LYAR: variants seen among roughly 807,000 people sequenced by gnomAD.
LYAR encodes cell growth-regulating nucleolar protein.
In LYAR, 37 loss-of-function variants were observed where a neutral mutation model predicts 45.2. That is an observed-to-expected ratio of 0.82 (90% confidence interval 0.63 to 1.08). The LOEUF is 1.08. LYAR is among the 50% of genes least tolerant of loss of function. The pLI is 0.00. For missense variants in LYAR, 493 were observed against 451.0 expected (o/e 1.09, Z -0.84); for synonymous variants, 176 against 155.1 (o/e 1.14, Z -1.00).
chr4:4,268,094 C>A (rs1718786418), intron 9 of LYAR, 71 bp from the exon 10 acceptor site: 3 of 1,331,372 alleles, frequency 2.3e-6, no homozygotes, highest in Non-Finnish European at 3.0e-6. Flanking sequence ...TGTCTTTAAC[C>A]CAGAAATAGA....
intron 2 of LYAR, among the ~76,000 whole-genome samples, chr4:4,285,907 TACTC>T (rs965583647): frequency 6.6e-6 from 1 of 152,252 alleles, no homozygotes; most frequent in African/African-American, 2.4e-5. Flanking sequence ...GACAAAAAGA[TACTC>T]AAGAGTAACT....
At position 4,274,909 on chromosome 4, in the gene LYAR, C is replaced by G. The variant is rs1259170003; in HGVS notation, c.430-140G>C. The G allele has an allele frequency of 4.1e-6, 3 of 734,446 alleles. No homozygotes were observed. The Admixed American group carries it at 9.4e-5, about 23-fold the overall frequency. The allele number at this position is 734,446 out of a possible 1,614,324, so 45.5% of individuals were successfully genotyped here. Reference sequence around the variant, plus strand: ...TCCCTTATCGTTTTATAACTGTGACCCCCACCAACAGCTAAAATGTAGCAG... The same window carrying G: ...TCCCTTATCGTTTTATAACTGTGACGCCCACCAACAGCTAAAATGTAGCAG... On this transcript the variant is annotated intron_variant, in intron 6 of 9. Coordinates refer to ENST00000343470, the MANE Select transcript of LYAR (RefSeq NM_017816.3).
intron 8 of LYAR, among the ~76,000 whole-genome samples, chr4:4,270,844 TAC>T (rs1560230209): frequency 6.6e-6 from 1 of 152,218 alleles, no homozygotes; most frequent in African/African-American, 2.4e-5. Flanking sequence ...ATAAAATGTG[TAC>T]AGAGACTCCT....
chr4:4,286,386 T>A (rs1204522368), intron 2 of LYAR, 133 bp downstream of exon 2: 1 of 152,184 alleles, frequency 6.6e-6, no homozygotes, highest in Admixed American at 6.5e-5. Flanking sequence ...GTGTCCCAGG[T>A]CTTAGTGCAG....
Position 4,273,616 on chromosome 4 carries a change from C to T in LYAR, c.886G>A (p.Gly296Arg), listed in dbSNP as rs773439266. 3.4e-5 allele frequency: 55 copies of T among 1,613,502 alleles called. No individual in the cohort carries two copies. Among genetic ancestry groups the T allele is most frequent in the African/African-American group, 6.7e-5 (5 of 74,894 alleles). Residue 296 changes from glycine (G) to arginine (R), a missense_variant, in exon 8 of 10, where the codon GGA becomes AGA. Physicochemically the swap from Gly to Arg is moderately radical, Grantham distance 125. Transcript: ENST00000343470. ...KMKLPEHPEG[G>R]EPEDDEAPAK... ...GGAGCCTCATCGTCTTCTGGTTCTC[C>T]GCCCTCAGGATGCTCTGGGAGCTTC...
chr4:4,268,556 T>C lies in LYAR; in HGVS notation c.979A>G (p.Ile327Val). 6.2e-7 allele frequency: 1 copy of C among 1,612,696 alleles called. No homozygotes were observed. The part of the protein sequence containing the change: ...AILKQAPDNE[I>V]TIKKLRKKVL... ...TTTTTCCTTAGCTTTTTGATGGTTATTTCATTGTCTGGGGCCTGTTTCAGA... is the reference window on the plus strand; with the variant it reads ...TTTTTCCTTAGCTTTTTGATGGTTACTTCATTGTCTGGGGCCTGTTTCAGA... Residue 327 changes from isoleucine to valine, a missense_variant, in exon 9 of 10, where the codon ATA (isoleucine) becomes GTA (valine). Coordinates refer to ENST00000343470, the MANE Select transcript of LYAR (RefSeq NM_017816.3).
At chr4:4,273,805 T>C (rs1389769488) in intron 7 of LYAR, 136 bp from the exon 8 acceptor site, 1 of 594,990 alleles carries the variant, frequency 1.7e-6, no homozygotes, top group Non-Finnish European at 3.0e-6. Flanking sequence ...AGCCCCGGTT[T>C]ATAAAACCCC....
chr4:4,287,640 G>A (rs1302392729), intron 1 of LYAR, among the ~76,000 whole-genome samples: 1 of 152,118 alleles, frequency 6.6e-6, no homozygotes, highest in African/African-American at 2.4e-5. Flanking sequence ...TGAACTGCCC[G>A]AAGTCACAGT....
Position 4,279,722 on chromosome 4 carries a change from T to C in LYAR, c.265A>G (p.Asn89Asp). The part of the protein sequence containing the change: ...QKISELIKRP[N>D]VSPKVRELLE... ...AGTTCTCTCACTTTGGGGCTGACAT[T>C]GGGTCTCTTTATTAATTCACTAATT... Residue 89 changes from asparagine to aspartate, a missense_variant, in exon 5 of 10, where the codon AAT becomes GAT. Coordinates refer to ENST00000343470, the MANE Select transcript of LYAR (RefSeq NM_017816.3). 6.2e-7 allele frequency: 1 copy of C among 1,611,622 alleles called. No homozygotes were observed. Among genetic ancestry groups the C allele is most frequent in the Admixed American group, 1.7e-5 (1 of 59,648 alleles).
At position 4,279,703 on chromosome 4, in the gene LYAR, C is replaced by T. The variant is rs1248330847; in HGVS notation, c.284G>A (p.Arg95Lys). The T allele has an allele frequency of 1.9e-6, 3 of 1,614,010 alleles. No individual in the cohort carries two copies. Among genetic ancestry groups the T allele is most frequent in the Admixed American group, 1.7e-5 (1 of 59,974 alleles). Residue 95 changes from arginine (R) to lysine (K), a missense_variant, in exon 5 of 10, where the codon AGA becomes AAA. Transcript: ENST00000343470. ...IKRPNVSPKV[R>K]ELLEQISAFD... is the part of the protein sequence containing the mutation. ...AGCACTAATTTGCTCTAAAAGTTCT[C>T]TCACTTTGGGGCTGACATTGGGTCT...
Position 4,268,616 on chromosome 4 carries a change from C to G in LYAR, c.920-1G>C. The G allele has an allele frequency of 6.4e-7, 1 of 1,561,286 alleles. No homozygotes were observed. Among genetic ancestry groups the G allele is most frequent in the Non-Finnish European group, 8.8e-7 (1 of 1,135,716 alleles). On this transcript the variant is annotated splice_acceptor_variant, in intron 8 of 9. Coordinates refer to ENST00000343470, the MANE Select transcript of LYAR (RefSeq NM_017816.3). LOFTEE classifies it high-confidence loss of function. ...ATAGTTCCCTTCCAGTTGAATTTAC[C>G]TACAATATAAATAATAATATTTAAG...
rs756163999 is a variant in LYAR at position 4,279,546 on chromosome 4, A to C, written c.346-16T>G. ...TCATCCAATTCTGTAAGAAAGAAAA[A>C]GAAAAAGAACTATTGATCCCACTTG... On this transcript the variant is annotated splice_polypyrimidine_tract_variant and intron_variant, in intron 5 of 9. Coordinates refer to ENST00000343470, the MANE Select transcript of LYAR (RefSeq NM_017816.3). 1 of 1,597,538 alleles carries C rather than the reference A, an allele frequency of 6.3e-7. No individual in the cohort carries two copies. Among genetic ancestry groups the C allele is most frequent in the African/African-American group, 1.3e-5 (1 of 74,520 alleles).
chr4:4,287,972 T>C (rs965821211), intron 1 of LYAR, among the ~76,000 whole-genome samples: 15 of 152,262 alleles, frequency 9.9e-5, no homozygotes, highest in East Asian at 1.9e-4. Context: ...TGGGAACTTG[T>C]TAGTCTTCTC....
At chr4:4,273,494 C>A in intron 8 of LYAR, 89 bp downstream of exon 8, 1 of 874,774 alleles carries the variant, frequency 1.1e-6, no homozygotes, top group Non-Finnish European at 1.9e-6. Context: ...GCTCAAGTGA[C>A]CCTCCTGCCC....
At chr4:4,269,914 A>G (rs891728709) in intron 8 of LYAR, among the ~76,000 whole-genome samples, 49 of 152,216 alleles carry the variant, frequency 3.2e-4, no homozygotes, top group African/African-American at 1.0e-3. Context: ...CACAATGTAC[A>G]TGTATAATAA....
At chr4:4,284,428 T>A (rs1220643022) in intron 2 of LYAR, among the ~76,000 whole-genome samples, 1 of 152,160 alleles carries the variant, frequency 6.6e-6, no homozygotes, top group Non-Finnish European at 1.5e-5. Context: ...ACTATATATC[T>A]ACAAAGGTTA....
chr4:4,281,830 C>T lies in LYAR; in HGVS notation c.190G>A (p.Glu64Lys), dbSNP rs759509836. 2.5e-6 allele frequency: 4 copies of T among 1,614,188 alleles called. No homozygotes were observed. In the South Asian group the frequency reaches 3.3e-5, roughly 13 times the overall value. The change falls in exon 4 of 10, where the codon GAA becomes AAA. Residue 64 changes from glutamate (E) to lysine (K), a missense_variant. By Grantham distance (56) the Glu-to-Lys change is moderately conservative (BLOSUM62 1). Coordinates refer to ENST00000343470, the MANE Select transcript of LYAR (RefSeq NM_017816.3). ...EDQKYGGKGY[E>K]GKTHKGDIKQ... The stretch of plus-strand genomic sequence containing the variant: ...ATGTCGCCTTTGTGGGTTTTACCTT[C>T]ATAGCCTTTGCCACCATACTTCTGA...
At chr4:4,283,336 A>T (rs1283207814) in intron 3 of LYAR, among the ~76,000 whole-genome samples, 2 of 152,152 alleles carry the variant, frequency 1.3e-5, no homozygotes, top group African/African-American at 4.8e-5. Context: ...TTTTTAGTAG[A>T]GACAGGGTTT....
chr4:4,288,486 C>CT (rs11338207), intron 1 of LYAR, among the ~76,000 whole-genome samples: 4,846 of 120,992 alleles, frequency 0.04, 141 homozygotes, highest in East Asian at 0.1. Context: ...AATTTTTTTT[C>CT]TTTTTTTTTT....
Sources: allele counts gnomAD v4.1 joint callset (sites outside exome capture counted in the v4.1 genomes callset), GRCh38; gene constraint gnomAD v4.1.1; transcripts MANE v1.5; gene names NCBI Gene and HGNC (gene_info 2026-07-23, HGNC 2026-07-21).